Variants in P3H1 observed in about 807,000 individuals in gnomAD.
The protein encoded by P3H1 is growth suppressor 1.
Under a neutral mutation model 84.0 loss-of-function variants are expected in P3H1, and 69 were observed. The observed-to-expected ratio is 0.82, with a 90% CI of 0.68 to 1.00. The LOEUF (loss-of-function observed/expected upper bound fraction) is 1.00. Ranked by LOEUF, P3H1 falls within the 50% of genes least tolerant of loss-of-function variation. P3H1 has a pLI of 0.00. For synonymous variants in P3H1, 366 were observed against 388.8 expected, an observed-to-expected ratio of 0.94 and a Z score of 0.69; for missense variants, 878 against 962.8, an observed-to-expected ratio of 0.91 and a Z score of 1.17.
Position 42,762,366 on chromosome 1 carries a change from A to C in P3H1, c.575T>G (p.Val192Gly). Residue 192 changes from valine (V) to glycine (G), a missense_variant, in exon 2 of 15, where the codon GTG (valine) becomes GGG (glycine). Transcript: ENST00000296388. ...AAGATCCTTGAAGTCGGCCTCCTTC[A>C]CTCCAGACATGGTTTGGTAATAGTC... ...NLDYYQTMSG[V>G]KEADFKDLET... is the part of the protein sequence containing the mutation. 1 of 1,614,122 alleles carries C rather than the reference A, an allele frequency of 6.2e-7. No homozygotes were observed. The highest frequency in any genetic ancestry group is 8.5e-7 in the Non-Finnish European group (1 of 1,180,010).
At chr1:42,761,748 T>C (rs966469037) in intron 2 of P3H1, 1 of 155,348 alleles carries the variant, frequency 6.4e-6, no homozygotes, top group Non-Finnish European at 1.4e-5. Flanking sequence ...TAGCTGGGTA[T>C]GGTGGTGCAT....
intron 10 of P3H1, among the ~76,000 whole-genome samples, 189 bp downstream of exon 10, chr1:42,752,085 C>G (rs1322411653): frequency 6.6e-6 from 1 of 152,204 alleles, no homozygotes; most frequent in Non-Finnish European, 1.5e-5. Context: ...TTTGATTACA[C>G]TCGGTCTAAC....
chr1:42,759,839 C>A, intron 2 of P3H1: 1 of 217,156 alleles, frequency 4.6e-6, no homozygotes, highest in South Asian at 6.6e-5. Context: ...AACTCGGCCT[C>A]CTAAAGTGCT....
In P3H1 at chr1:42,747,294, A is replaced by G. The variant is rs763891407; in HGVS notation, c.2033T>C (p.Leu678Pro). The G allele has an allele frequency of 1.9e-6, 3 of 1,613,578 alleles. No homozygotes were observed. In the South Asian group the frequency reaches 3.3e-5, roughly 18 times the overall value. Residue 678 changes from leucine (L) to proline (P), a missense_variant, in exon 14 of 15, where the codon CTG becomes CCG. Coordinates refer to ENST00000296388, the MANE Select transcript of P3H1 (RefSeq NM_022356.4). ...QRCAIALWFTLDPRHSERDRV... is the reference protein window; with the variant it reads ...QRCAIALWFTPDPRHSERDRV... ...CACCCGCTCGCTGTGTCGAGGGTCC[A>G]GGGTGAACCACAGGGCGATGGCACA...
intron 1 of P3H1, among the ~76,000 whole-genome samples, chr1:42,764,612 C>T (rs986920447): frequency 6.6e-6 from 1 of 151,906 alleles, no homozygotes; most frequent in Non-Finnish European, 1.5e-5. Flanking sequence ...GAGAGTTCAA[C>T]GAGATAATAT....
At chr1:42,750,743 C>T (rs1172784710) in intron 10 of P3H1, among the ~76,000 whole-genome samples, 3 of 142,600 alleles carry the variant, frequency 2.1e-5, no homozygotes, top group African/African-American at 5.4e-5. Context: ...AGGTGAGGGG[C>T]GCCTCTGCCC....
chr1:42,764,657 A>C (rs760650932), intron 1 of P3H1, among the ~76,000 whole-genome samples: 1 of 152,218 alleles, frequency 6.6e-6, no homozygotes, highest in Non-Finnish European at 1.5e-5. Flanking sequence ...GCACAGATTA[A>C]GTGCTCAATA....
Position 42,754,280 on chromosome 1 carries a change from G to A in P3H1, c.1345+589C>T, listed in dbSNP as rs1458020744. ...GCAATGAAAAACGGAAAAGGCTGGG[G>A]AGAGAGCTGAGAAGCACTGCAGAGC... On this transcript the variant is annotated intron_variant, in intron 8 of 14. Transcript: ENST00000296388. This position sits in a 1 kb window ranked among gnomAD's most constrained non-coding sequence, Gnocchi z 4.0. Among the ~76,000 whole-genome samples the A allele has an allele frequency of 6.6e-6, 1 of 152,124 alleles. No homozygotes were observed. Among genetic ancestry groups the A allele is most frequent in the Non-Finnish European group, 1.5e-5 (1 of 68,020 alleles).
intron 8 of P3H1, among the ~76,000 whole-genome samples, chr1:42,753,378 A>G (rs1557566767): frequency 6.6e-6 from 1 of 152,162 alleles, no homozygotes; most frequent in Non-Finnish European, 1.5e-5. Context: ...AAAGGTCAAC[A>G]TTTCTCTCTT....
Position 42,767,020 on chromosome 1 carries a change from G to C in P3H1, c.-49C>G. On this transcript the variant is annotated 5_prime_UTR_variant, in exon 1 of 15. Transcript: ENST00000296388. ...CGCCAGCCACCCGCCACCAAGGCCG[G>C]AGTCCTACCCCCGGCGAAGGCCCGC... 1.9e-6 allele frequency: 3 copies of C among 1,587,596 alleles called. No individual in the cohort carries two copies. Among genetic ancestry groups the C allele is most frequent in the Non-Finnish European group, 2.6e-6 (3 of 1,171,800 alleles).
chr1:42,758,744 T>C (rs1652535696), intron 4 of P3H1, 108 bp downstream of exon 4: 2 of 1,352,238 alleles, frequency 1.5e-6, no homozygotes, highest in Non-Finnish European at 2.1e-6. Context: ...CCATAGCTAC[T>C]GAAATAAGCC....
Position 42,747,811 on chromosome 1 carries a change from G to A in P3H1, c.1839-13C>T. 6.2e-7 allele frequency: 1 copy of A among 1,613,700 alleles called. No individual in the cohort carries two copies. Among genetic ancestry groups the A allele is most frequent in the South Asian group, 1.1e-5 (1 of 91,076 alleles). On this transcript the variant is annotated splice_polypyrimidine_tract_variant and intron_variant, in intron 12 of 14. Transcript: ENST00000296388. ...GTAAAGGATGGCGCTGGGAAAGGCA[G>A]AGACATCTCATCATGGCCCTTCCCT...
rs762909374 is a variant in P3H1, at chr1:42,750,347, G to C, written c.1570-11C>G. ...GCCTTCTTGCCCCAGCTGCCAAGGA[G>C]ACAGATGGTCAGCTGCCCTCAACGA... On this transcript the variant is annotated splice_polypyrimidine_tract_variant and intron_variant, in intron 10 of 14. Transcript: ENST00000296388. 5.6e-6 allele frequency: 9 copies of C among 1,613,948 alleles called. No individual in the cohort carries two copies. The highest frequency in any genetic ancestry group is 7.6e-6 in the Non-Finnish European group (9 of 1,179,970).
Position 42,754,740 on chromosome 1 carries a change from T to C in P3H1, c.1345+129A>G. 8.3e-7 allele frequency: 1 copy of C among 1,204,738 alleles called. No homozygotes were observed. Among genetic ancestry groups the C allele is most frequent in the Non-Finnish European group, 1.2e-6 (1 of 824,390 alleles). The allele number at this position is 1,204,738 out of a possible 1,614,324, so 74.6% of individuals were successfully genotyped here. ...AGTTAGGAAGGATGTCCACTGAACTTGCACCCTAAGGGTGGCTGGCTCATG... is the reference window on the plus strand; with the variant it reads ...AGTTAGGAAGGATGTCCACTGAACTCGCACCCTAAGGGTGGCTGGCTCATG... On this transcript the variant is annotated intron_variant, in intron 8 of 14. Coordinates refer to ENST00000296388, the MANE Select transcript of P3H1 (RefSeq NM_022356.4). The surrounding 1 kb of genome is among the most constrained non-coding windows in gnomAD (Gnocchi z 4.0).
rs1653036675 is a variant in P3H1 at position 42,766,840 on chromosome 1, T to G, written c.132A>C (p.Ala44=). 1.2e-6 allele frequency: 2 copies of G among 1,605,258 alleles called. No homozygotes were observed. Among genetic ancestry groups the G allele is most frequent in the African/African-American group, 1.3e-5 (1 of 74,922 alleles). The part of the protein sequence containing the change: ...TPDLLFAEGT[A]AYARGDWPGV... ...CGGGCCAGTCCCCGCGCGCGTAGGC[T>G]GCGGTCCCCTCGGCGAAGAGCAGAT... Residue 44 remains alanine, a synonymous_variant, in exon 1 of 15, where the codon GCA becomes GCC. Transcript: ENST00000296388.
intron 4 of P3H1, 28 bp from the exon 5 acceptor site, chr1:42,757,950 G>A (rs778916524): frequency 1.2e-6 from 2 of 1,603,090 alleles, no homozygotes; most frequent in Admixed American, 1.7e-5. Context: ...GAATGGCTGA[G>A]AGGAAAGAGT....
At position 42,750,652 on chromosome 1, in the gene P3H1, G is replaced by GC. The variant is rs1361073713; in HGVS notation, c.1570-317_1570-316insG. Reference sequence around the variant, plus strand: ...GCCACCCCGTCCGGGAGGGAGGCCGGGGGGGGTGGTCGGCCAGCCGCCCCG... The same window carrying GC: ...GCCACCCCGTCCGGGAGGGAGGCCGGCGGGGGGTGGTCGGCCAGCCGCCCCG... On this transcript the variant is annotated intron_variant, in intron 10 of 14. Transcript: ENST00000296388. 4.4e-4 allele frequency among the ~76,000 whole-genome samples: 57 copies of GC among 130,352 alleles called. 9 individuals carry two copies. Among genetic ancestry groups the GC allele is most frequent in the African/African-American group, 1.8e-3 (54 of 30,520 alleles). The allele number at this position is 130,352 out of a possible 152,430, so 85.5% of individuals were successfully genotyped here.
intron 2 of P3H1, 133 bp from the exon 3 acceptor site, chr1:42,759,523 A>T: frequency 1.4e-6 from 1 of 709,920 alleles, no homozygotes; most frequent in Non-Finnish European, 2.5e-6. Flanking sequence ...CCTGGGTACC[A>T]CTATAAAATG....
rs1651845268 is a variant in P3H1, at chr1:42,748,259, C to G, written c.1779G>C (p.Leu593=). The part of the protein sequence containing the change: ...SHPVHVDNCI[L]NAETLVCVKE... ...TGACACACACGAGGGTCTCGGCATT[C>G]AGGATGCAGTTGTCCACGTGGACTG... The change falls in exon 12 of 15, where the codon CTG becomes CTC. Residue 593 remains leucine (L), a synonymous_variant. Coordinates refer to ENST00000296388, the MANE Select transcript of P3H1 (RefSeq NM_022356.4). 3.1e-6 allele frequency: 5 copies of G among 1,614,082 alleles called. No individual in the cohort carries two copies. Among genetic ancestry groups the G allele is most frequent in the Non-Finnish European group, 3.4e-6 (4 of 1,180,030 alleles).
Sources: allele counts gnomAD v4.1 joint callset (sites outside exome capture counted in the v4.1 genomes callset), GRCh38; gene constraint gnomAD v4.1.1; non-coding constraint Gnocchi (gnomAD v3.1); transcripts MANE v1.5; gene names NCBI Gene and HGNC (gene_info 2026-07-23, HGNC 2026-07-21).